Variants in TNFAIP8 observed in about 807,000 individuals in gnomAD.
The protein encoded by TNFAIP8 is tumor necrosis factor alpha-induced protein 8.
A neutral mutation model predicts 13.3 loss-of-function variants in TNFAIP8; 7 were observed. That is an observed-to-expected ratio of 0.52 (90% CI 0.30 to 0.99). TNFAIP8 has a LOEUF of 0.99. TNFAIP8 is among the 50% of genes least tolerant of loss of function. TNFAIP8 has a pLI of 0.07. For synonymous variants in TNFAIP8, 94 were observed against 87.6 expected (o/e 1.07, Z -0.41); for missense variants, 258 against 236.9 (o/e 1.09, Z -0.58).
chr5:119,331,880 G>C (rs1248105694), intron 1 of TNFAIP8, among the ~76,000 whole-genome samples: 1 of 152,154 alleles, frequency 6.6e-6, no homozygotes, highest in African/African-American at 2.4e-5. Flanking sequence ...GCTCTTTGTA[G>C]CTTACCCTTG....
intron 1 of TNFAIP8, chr5:119,333,354 T>TC (rs1750443270): frequency 7.7e-7 from 1 of 1,301,128 alleles, no homozygotes; most frequent in Non-Finnish European, 9.8e-7. Context: ...GAAACCTAGC[T>TC]CCCAGAATAA....
At chr5:119,310,589 CT>C (rs1430641193) in intron 1 of TNFAIP8, among the ~76,000 whole-genome samples, 4 of 152,142 alleles carry the variant, frequency 2.6e-5, no homozygotes, top group African/African-American at 9.7e-5. Flanking sequence ...AATCCCAGCA[CT>C]TTGGGAGGCC....
intron 1 of TNFAIP8, among the ~76,000 whole-genome samples, chr5:119,324,280 A>G (rs1255342968): frequency 2.7e-5 from 1 of 37,598 alleles, no homozygotes; most frequent in Non-Finnish European, 4.9e-5. Flanking sequence ...ATCTCAAAAA[A>G]AAAAAAAAAA....
At chr5:119,313,982 T>A (rs1749807945) in intron 1 of TNFAIP8, among the ~76,000 whole-genome samples, 1 of 152,368 alleles carries the variant, frequency 6.6e-6, no homozygotes, top group African/African-American at 2.4e-5. Flanking sequence ...TTTTCCTTGC[T>A]ATAGACAGAG....
chr5:119,268,868 C>T (rs1457086002), exon 1 of TNFAIP8: 4 of 703,042 alleles, frequency 5.7e-6, no homozygotes, highest in Non-Finnish European at 1.0e-5. Flanking sequence ...CAGCCCAGCT[C>T]GCGCTTCAGC....
chr5:119,306,551 C>T (rs1749571223), intron 1 of TNFAIP8: 1 of 152,084 alleles, frequency 6.6e-6, no homozygotes, highest in Admixed American at 6.6e-5. Context: ...TCATACAGCC[C>T]AGAACTTCTG....
intron 1 of TNFAIP8, among the ~76,000 whole-genome samples, chr5:119,344,204 G>T (rs770598600): frequency 6.6e-6 from 1 of 152,228 alleles, no homozygotes; most frequent in Non-Finnish European, 1.5e-5. Context: ...CTCAGTTTCT[G>T]TTGAGGCTTC....
At chr5:119,316,583 G>A (rs1749902557) in intron 1 of TNFAIP8, among the ~76,000 whole-genome samples, 1 of 152,130 alleles carries the variant, frequency 6.6e-6, no homozygotes, top group African/African-American at 2.4e-5. Context: ...CTTACTTGAT[G>A]GTATTGATAA....
chr5:119,314,259 C>G (rs977258059), intron 1 of TNFAIP8, among the ~76,000 whole-genome samples: 5 of 152,212 alleles, frequency 3.3e-5, no homozygotes, highest in African/African-American at 1.2e-4. Context: ...GCACATGGGA[C>G]AGGGTCTGGC....
At chr5:119,327,658 C>T (rs552820805) in intron 1 of TNFAIP8, among the ~76,000 whole-genome samples, 1 of 152,098 alleles carries the variant, frequency 6.6e-6, no homozygotes, top group African/African-American at 2.4e-5. Flanking sequence ...GGGGTTTCAC[C>T]ATGTTGGCCA....
intron 1 of TNFAIP8, among the ~76,000 whole-genome samples, chr5:119,281,598 T>TA (rs1187351258): frequency 2.0e-5 from 3 of 152,172 alleles, no homozygotes; most frequent in Non-Finnish European, 4.4e-5. Context: ...CTGAAAACAA[T>TA]AAAAATAATT....
intron 1 of TNFAIP8, among the ~76,000 whole-genome samples, chr5:119,364,527 T>C (rs1036144038): frequency 1.3e-5 from 2 of 152,118 alleles, no homozygotes; most frequent in African/African-American, 2.4e-5. Flanking sequence ...TTAAATTGTT[T>C]TGTAGAGACA....
Position 119,334,624 on chromosome 5 carries a change from C to CGTGTGTGT in TNFAIP8, c.2-58163_2-58156dup, listed in dbSNP as rs59714206. Reference sequence around the variant, plus strand: ...CCTAGAGCTGTGCATGTGATCCTTTCGTGTGTGTGTGTGTGTGTGTGTGTG... The same window carrying CGTGTGTGT: ...CCTAGAGCTGTGCATGTGATCCTTTCGTGTGTGTGTGTGTGTGTGTGTGTGTGTGTGTG... On this transcript the variant is annotated intron_variant, in intron 1 of 1. Coordinates refer to the TNFAIP8 transcript ENST00000274456. Among the ~76,000 whole-genome samples the CGTGTGTGT allele has an allele frequency of 9.4e-3, 1,271 of 135,778 alleles. 5 individuals carry two copies. Among genetic ancestry groups the CGTGTGTGT allele is most frequent in the South Asian group, 0.028 (109 of 3,914 alleles). 89.1% of individuals were successfully genotyped at this position (135,778 alleles called of 152,430 possible).
At chr5:119,276,943 A>G (rs1748471682) in intron 1 of TNFAIP8, among the ~76,000 whole-genome samples, 1 of 152,216 alleles carries the variant, frequency 6.6e-6, no homozygotes. Context: ...ACTGAACCCT[A>G]TATAAGCTAT....
chr5:119,308,838 G>C (rs1749644108), intron 1 of TNFAIP8, among the ~76,000 whole-genome samples: 1 of 140,750 alleles, frequency 7.1e-6, no homozygotes. Context: ...CTGGGTTGCA[G>C]AGTGAGACTC....
intron 1 of TNFAIP8, among the ~76,000 whole-genome samples, chr5:119,305,943 C>T (rs1267406961): frequency 1.3e-5 from 2 of 152,214 alleles, no homozygotes; most frequent in Admixed American, 6.5e-5. Flanking sequence ...CACCTGGCTC[C>T]GGATCCTTCT....
intron 1 of TNFAIP8, among the ~76,000 whole-genome samples, chr5:119,273,482 A>G (rs1748351751): frequency 6.6e-6 from 1 of 152,236 alleles, no homozygotes; most frequent in Non-Finnish European, 1.5e-5. Context: ...ACATGATTAT[A>G]TAAGGGAAAT....
intron 1 of TNFAIP8, among the ~76,000 whole-genome samples, chr5:119,372,322 CAAAAA>C (rs67551765): frequency 8.9e-6 from 1 of 112,142 alleles, no homozygotes; most frequent in Non-Finnish European, 1.8e-5. Flanking sequence ...GACCCTGTCT[CAAAAA>C]AAAAAAAAAA....
At chr5:119,351,777 CTTTT>C (rs1751163741), upstream of TNFAIP8, among the ~76,000 whole-genome samples, 1 of 145,036 alleles carries the variant, frequency 6.9e-6, no homozygotes, top group Non-Finnish European at 1.5e-5. Flanking sequence ...TCTTTTCTTT[CTTTT>C]CTTTTTCTTT....
Sources: allele counts gnomAD v4.1 joint callset (sites outside exome capture counted in the v4.1 genomes callset), GRCh38; gene constraint gnomAD v4.1.1; transcripts MANE v1.5; gene names NCBI Gene and HGNC (gene_info 2026-07-23, HGNC 2026-07-21).